The following MED4 variants were observed in gnomAD, a reference collection of about 807,000 sequenced individuals.
MED4 encodes mediator complex subunit 4.
In MED4, 21 loss-of-function variants were observed where a neutral mutation model predicts 35.0. The observed-to-expected ratio is 0.60, with a 90% CI of 0.43 to 0.86. The LOEUF is 0.86. MED4 is among the 40% of genes least tolerant of loss of function. MED4 has a pLI of 0.00. For synonymous variants in MED4, 138 were observed against 114.0 expected (o/e 1.21, Z -1.34); for missense variants, 300 against 319.4 (o/e 0.94, Z 0.46).
chr13:48,086,330 A>C lies in MED4; in HGVS notation c.315T>G (p.Ser105Arg). 2.5e-6 allele frequency: 4 copies of C among 1,613,660 alleles called. No individual in the cohort carries two copies. Among genetic ancestry groups the C allele is most frequent in the Non-Finnish European group, 3.4e-6 (4 of 1,179,880 alleles). ...GCTGTTTTTGTAGCTGCTGAATATC[A>C]CTGTCTCTCTTCTCTACTTCTTTTT... The part of the protein sequence containing the change: ...VLEKEVEKRD[S>R]DIQQLQKQLK... Residue 105 changes from serine to arginine, a missense_variant, in exon 3 of 7, where the codon AGT (serine) becomes AGG (arginine). Transcript: ENST00000258648.
chr13:48,085,212 C>G (rs969569050), intron 3 of MED4, among the ~76,000 whole-genome samples: 21 of 144,422 alleles, frequency 1.5e-4, no homozygotes, highest in African/African-American at 5.4e-4. Context: ...TGCACTGTTG[C>G]CTGGGCTGGA....
At chr13:48,078,621 C>T (rs376892034) in intron 6 of MED4, among the ~76,000 whole-genome samples, 3 of 152,192 alleles carry the variant, frequency 2.0e-5, no homozygotes, top group Admixed American at 6.5e-5. Flanking sequence ...TTACACTGCA[C>T]CCTCTCCAAT....
intron 5 of MED4, among the ~76,000 whole-genome samples, 170 bp downstream of exon 5, chr13:48,081,475 T>G (rs141665169): frequency 6.6e-6 from 1 of 152,290 alleles, no homozygotes; most frequent in African/African-American, 2.4e-5. Flanking sequence ...AAAACCAAAT[T>G]TATAAAACCC....
At chr13:48,082,643 C>G (rs1436499446) in intron 4 of MED4, among the ~76,000 whole-genome samples, 1 of 152,114 alleles carries the variant, frequency 6.6e-6, no homozygotes, top group East Asian at 1.9e-4. Flanking sequence ...CTGGCTAACA[C>G]AGTGAAACCC....
In MED4 at chr13:48,084,371, G is replaced by C. The variant is rs74957320; in HGVS notation, c.364-943C>G. On this transcript the variant is annotated intron_variant, in intron 3 of 6. Transcript: ENST00000258648. ...GGGCAAGTTAGTTATTAAAGTATTG[G>C]TTTCTTCCTCTAAATGACGACACTG... is the stretch of plus-strand genomic sequence containing the variant. Among the ~76,000 whole-genome samples the C allele has an allele frequency of 3.0e-3, 455 of 151,904 alleles. 1 individual carries two copies. The highest frequency in any genetic ancestry group is 0.01 in the African/African-American group (427 of 41,382).
chr13:48,077,402 T>G (rs1000586691), intron 6 of MED4, 91 bp from the exon 7 acceptor site: 2 of 1,122,392 alleles, frequency 1.8e-6, no homozygotes, highest in African/African-American at 3.3e-5. Flanking sequence ...TTGAAGTATT[T>G]TTTTTAATTT....
chr13:48,090,796 T>C (rs536165815), intron 1 of MED4, among the ~76,000 whole-genome samples: 6 of 152,296 alleles, frequency 3.9e-5, no homozygotes, highest in Non-Finnish European at 8.8e-5. Flanking sequence ...GATCTAGAAA[T>C]CAAACTACAA....
intron 3 of MED4, among the ~76,000 whole-genome samples, chr13:48,085,616 T>G (rs1950843243): frequency 6.6e-6 from 1 of 152,224 alleles, no homozygotes; most frequent in East Asian, 1.9e-4. Context: ...TGTTAAGAGA[T>G]TAATCAGTGG....
At chr13:48,078,307 C>T (rs1950777218) in intron 6 of MED4, among the ~76,000 whole-genome samples, 2 of 152,170 alleles carry the variant, frequency 1.3e-5, no homozygotes, top group South Asian at 4.1e-4. Context: ...CCAGCTGCCA[C>T]AATTAAGTTT....
At chr13:48,079,032 C>A (rs117871044) in intron 6 of MED4, among the ~76,000 whole-genome samples, 43 of 151,954 alleles carry the variant, frequency 2.8e-4, no homozygotes, top group African/African-American at 8.9e-4. Flanking sequence ...AAGTCACCTA[C>A]AAACTATAAA....
In MED4 at chr13:48,079,867, G is replaced by A. The variant is rs146744355; in HGVS notation, c.617C>T (p.Ala206Val). ...NGVNGHLPGD[A>V]LAAGRLPDVL... The stretch of plus-strand genomic sequence containing the variant: ...ACCTGGCAATCTTCCTGCTGCAAGT[G>A]CATCTCCTGGTAAATGGCCATTCAC... The change falls in exon 6 of 7, where the codon GCA becomes GTA. Residue 206 changes from alanine to valine, a missense_variant. Coordinates refer to ENST00000258648, the MANE Select transcript of MED4 (RefSeq NM_014166.4). The A allele has an allele frequency of 5.6e-6, 9 of 1,613,514 alleles. No homozygotes were observed. In the African/African-American group the frequency reaches 1.1e-4, roughly 19 times the overall value.
chr13:48,090,295 T>A, intron 2 of MED4, 57 bp downstream of exon 2: 1 of 1,373,366 alleles, frequency 7.3e-7, no homozygotes, highest in Non-Finnish European at 1.0e-6. Context: ...AATCAAGTTT[T>A]TTTCTTTTAA....
chr13:48,093,611 T>TGAA (rs1401431087), intron 1 of MED4: 10 of 469,570 alleles, frequency 2.1e-5, no homozygotes, highest in African/African-American at 2.0e-4. Context: ...CTTCATTCTG[T>TGAA]GAAGAAGTTC....
rs1950755365 is a variant in MED4 at position 48,075,923 on chromosome 13, T to C, written c.*1216A>G. 6.6e-6 allele frequency: 1 copy of C among 152,206 alleles called. No individual in the cohort carries two copies. Among genetic ancestry groups the C allele is most frequent in the Non-Finnish European group, 1.5e-5 (1 of 68,024 alleles). The allele number at this position is 152,206 out of a possible 1,614,324, so 9.4% of individuals were successfully genotyped here. A position where few individuals can be genotyped will look rare whatever the true frequency, so the allele number is the denominator to read the frequency against. ...GATTAATCTCCTATTTTCCAATTTT[T>C]CTAGAGATCGAAAATAATCAAAAGG... On this transcript the variant is annotated 3_prime_UTR_variant, in exon 7 of 7. Transcript: ENST00000258648.
rs377388530 is a variant in MED4 at position 48,093,788 on chromosome 13, G to C, written c.125+1166C>G. On this transcript the variant is annotated intron_variant, in intron 1 of 6. Transcript: ENST00000258648. Reference sequence around the variant, plus strand: ...TTCTTCCATCATTAAATATTGTGCTGACCTGGTAACTTGGTAGCAATACGA... The same window carrying C: ...TTCTTCCATCATTAAATATTGTGCTCACCTGGTAACTTGGTAGCAATACGA... 8.3e-4 allele frequency: 163 copies of C among 197,072 alleles called. 2 individuals are homozygous for C. In the South Asian group the frequency reaches 0.012, roughly 14 times the overall value. The allele number at this position is 197,072 out of a possible 1,614,324, so 12.2% of individuals were successfully genotyped here. A position where few individuals can be genotyped will look rare whatever the true frequency, so the allele number is the denominator to read the frequency against.
chr13:48,090,420 T>TAA lies in MED4; in HGVS notation c.126-4_126-3dup, dbSNP rs3215817. On this transcript the variant is annotated splice_region_variant and splice_polypyrimidine_tract_variant and intron_variant, in intron 1 of 6. Coordinates refer to ENST00000258648, the MANE Select transcript of MED4 (RefSeq NM_014166.4). ...ATTGCCAGCATTTCTATAAGTTCCC[T>TAA]AAAAAAAAAAAACCAACAACAACAA... 5.6e-4 allele frequency: 723 copies of TAA among 1,300,362 alleles called. No individual in the cohort carries two copies. Among genetic ancestry groups the TAA allele is most frequent in the Admixed American group, 1.2e-3 (55 of 46,264 alleles). 80.6% of individuals were successfully genotyped at this position (1,300,362 alleles called of 1,614,324 possible).
intron 1 of MED4, 108 bp downstream of exon 1, chr13:48,094,846 T>C: frequency 6.7e-7 from 1 of 1,486,828 alleles, no homozygotes; most frequent in South Asian, 1.2e-5. Context: ...ACTCCCGAGC[T>C]GGCCCTCCCC....
In MED4 at chr13:48,076,577, A is replaced by G. The variant is rs1950760370; in HGVS notation, c.*562T>C. The stretch of plus-strand genomic sequence containing the variant: ...AGTATATTTAAACTAAAAAAAAAGC[A>G]TACAATGTACAAACAAATTTATTTA... On this transcript the variant is annotated 3_prime_UTR_variant, in exon 7 of 7. Coordinates refer to ENST00000258648, the MANE Select transcript of MED4 (RefSeq NM_014166.4). 6.6e-6 allele frequency: 1 copy of G among 151,528 alleles called. No homozygotes were observed. Among genetic ancestry groups the G allele is most frequent in the South Asian group, 2.1e-4 (1 of 4,724 alleles). 9.4% of individuals were successfully genotyped at this position (151,528 alleles called of 1,614,324 possible).
chr13:48,077,260 A>T lies in MED4; in HGVS notation c.692T>A (p.Met231Lys), dbSNP rs527841105. 2 of 1,576,446 alleles carry T rather than the reference A, an allele frequency of 1.3e-6. No homozygotes were observed. Among genetic ancestry groups the T allele is most frequent in the Non-Finnish European group, 8.6e-7 (1 of 1,166,186 alleles). The change falls in exon 7 of 7, where the codon ATG (methionine) becomes AAG (lysine). Residue 231 changes from methionine (M) to lysine (K), a missense_variant. Physicochemically the swap from Met to Lys is moderately conservative, Grantham distance 95. Coordinates refer to ENST00000258648, the MANE Select transcript of MED4 (RefSeq NM_014166.4). ...GTCACTACTATGATTTGGTGGTAAC[A>T]TATTCATCGACATGTCATTTGACTG... is the stretch of plus-strand genomic sequence containing the variant. ...PWQSNDMSMN[M>K]LPPNHSSDFL...
Sources: allele counts gnomAD v4.1 joint callset (sites outside exome capture counted in the v4.1 genomes callset), GRCh38; gene constraint gnomAD v4.1.1; transcripts MANE v1.5; gene names NCBI Gene and HGNC (gene_info 2026-07-23, HGNC 2026-07-21).